Variants in CNTNAP5 observed in about 807,000 individuals in gnomAD.
CNTNAP5 encodes contactin-associated protein-like 5.
A neutral mutation model predicts 150.2 loss-of-function variants in CNTNAP5; 72 were observed. That is an observed-to-expected ratio of 0.48 (90% confidence interval 0.40 to 0.58). The LOEUF is 0.58. Among genes scored for constraint, CNTNAP5 ranks in the 20% least tolerant of loss-of-function variants. The pLI, the probability that CNTNAP5 is intolerant of heterozygous loss-of-function variation, is 0.00. For synonymous variants in CNTNAP5, 672 were observed against 619.8 expected, an observed-to-expected ratio of 1.08 and a Z score of -1.25; for missense variants, 1,636 against 1,626.2, an observed-to-expected ratio of 1.01 and a Z score of -0.10.
intron 11 of CNTNAP5, among the ~76,000 whole-genome samples, chr2:124,571,527 C>CTTTTTCTTTTTCTCTTTGTTTTCTTTTT: frequency 8.5e-4 from 40 of 46,820 alleles, no homozygotes; most frequent in African/African-American, 3.5e-3. Context: ...TTTCTTTTTT[C>CTTTTTCTTTTTCTCTTTGTTTTCTTTTT]TTTTTTTTTT....
intron 7 of CNTNAP5, among the ~76,000 whole-genome samples, chr2:124,480,280 G>A (rs574491584): frequency 6.6e-6 from 1 of 152,244 alleles, no homozygotes; most frequent in African/African-American, 2.4e-5. Flanking sequence ...TTTAAAATAA[G>A]GAACTTAAAA....
intron 3 of CNTNAP5, among the ~76,000 whole-genome samples, chr2:124,302,247 T>C (rs1413569689): frequency 6.6e-6 from 1 of 152,068 alleles, no homozygotes; most frequent in Non-Finnish European, 1.5e-5. Flanking sequence ...GACTATATAC[T>C]GTTAAGAATA....
intron 3 of CNTNAP5, among the ~76,000 whole-genome samples, chr2:124,396,537 A>G (rs1691249056): frequency 6.6e-6 from 1 of 152,216 alleles, no homozygotes; most frequent in Non-Finnish European, 1.5e-5. Flanking sequence ...AATGCAGGCT[A>G]CAACAAGCAT....
At chr2:124,561,812 C>A (rs1186802083) in intron 10 of CNTNAP5, among the ~76,000 whole-genome samples, 5 of 152,250 alleles carry the variant, frequency 3.3e-5, no homozygotes, top group African/African-American at 1.2e-4. Context: ...CAGAGTAAAT[C>A]ATCTTACTTT....
chr2:124,865,130 C>G (rs940415104), intron 19 of CNTNAP5, among the ~76,000 whole-genome samples, 176 bp from the exon 20 acceptor site: 2 of 152,082 alleles, frequency 1.3e-5, no homozygotes, highest in African/African-American at 2.4e-5. Context: ...TTTTGCAGCT[C>G]TCTTCAGAAT....
chr2:124,609,952 C>A (rs1390690413), intron 12 of CNTNAP5, 32 bp downstream of exon 12: 1 of 1,586,562 alleles, frequency 6.3e-7, no homozygotes, highest in African/African-American at 1.3e-5. Flanking sequence ...TCACACTTAA[C>A]CACCCCACTT....
At chr2:124,850,394 A>C (rs1306890147) in intron 19 of CNTNAP5, among the ~76,000 whole-genome samples, 2 of 152,206 alleles carry the variant, frequency 1.3e-5, no homozygotes, top group South Asian at 4.1e-4. Flanking sequence ...GGACACACAG[A>C]GGGAAGAGGG....
chr2:124,708,917 C>T (rs756636690), intron 13 of CNTNAP5, among the ~76,000 whole-genome samples: 2 of 152,074 alleles, frequency 1.3e-5, no homozygotes, highest in African/African-American at 2.4e-5. Flanking sequence ...GTTTTTTCTC[C>T]TCTGCAACCT....
At chr2:124,351,244 G>A (rs1293853050) in intron 3 of CNTNAP5, among the ~76,000 whole-genome samples, 1 of 152,186 alleles carries the variant, frequency 6.6e-6, no homozygotes, top group Non-Finnish European at 1.5e-5. Flanking sequence ...CCCTGAGAGT[G>A]ACCTGATTTC....
At position 124,755,238 on chromosome 2, in the gene CNTNAP5, CTATTACATCAGT is replaced by C. The variant is rs541685258; in HGVS notation, c.2234+7857_2234+7868del. ...GAAAACAAAACATACCCTGAGGTTT[CTATTACATCAGT>C]TATCTGTCAAGCCTTATAAATATAC... On this transcript the variant is annotated intron_variant, in intron 14 of 23. Transcript: ENST00000682447. Among the ~76,000 whole-genome samples, 24 of 152,096 alleles carry C rather than the reference CTATTACATCAGT, an allele frequency of 1.6e-4. No individual in the cohort carries two copies. The South Asian group carries it at 4.8e-3, about 30-fold the overall frequency.
chr2:124,787,955 G>A (rs983712972), intron 17 of CNTNAP5, among the ~76,000 whole-genome samples: 64 of 152,150 alleles, frequency 4.2e-4, no homozygotes, highest in African/African-American at 1.4e-3. Flanking sequence ...TACAGAAAAC[G>A]AATGACAAGT....
At chr2:124,671,745 T>G (rs35643233) in intron 13 of CNTNAP5, among the ~76,000 whole-genome samples, 45,788 of 152,126 alleles carry the variant, frequency 0.3, 7,301 homozygotes, top group Non-Finnish European at 0.34. Flanking sequence ...GTTCAAGTGA[T>G]TCTCTTGATT....
At chr2:124,298,870 C>G (rs1258575981) in intron 3 of CNTNAP5, among the ~76,000 whole-genome samples, 2 of 152,110 alleles carry the variant, frequency 1.3e-5, no homozygotes, top group Admixed American at 1.3e-4. Flanking sequence ...TTTAACTTAA[C>G]CACTTAGTGC....
intron 13 of CNTNAP5, among the ~76,000 whole-genome samples, chr2:124,691,358 G>T (rs1273741233): frequency 6.6e-6 from 1 of 151,970 alleles, no homozygotes. Context: ...TTTATGGCTG[G>T]CTTTGGAGAA....
At chr2:124,307,766 C>A (rs1688727876) in intron 3 of CNTNAP5, among the ~76,000 whole-genome samples, 1 of 152,156 alleles carries the variant, frequency 6.6e-6, no homozygotes, top group South Asian at 2.1e-4. Flanking sequence ...GGTGGGGAAG[C>A]AAGTGATGAT....
At chr2:124,212,799 T>C (rs541852401) in intron 1 of CNTNAP5, among the ~76,000 whole-genome samples, 3 of 150,818 alleles carry the variant, frequency 2.0e-5, no homozygotes, top group South Asian at 4.2e-4. Flanking sequence ...TAACTTAGGC[T>C]TGGCTGGGAC....
At chr2:124,676,707 C>T (rs575864852) in intron 13 of CNTNAP5, among the ~76,000 whole-genome samples, 93 of 152,262 alleles carry the variant, frequency 6.1e-4, no homozygotes, top group African/African-American at 2.0e-3. Context: ...TGTTGGTTTT[C>T]GAGGCTGCCA....
At chr2:124,664,179 A>G (rs12470814) in intron 13 of CNTNAP5, among the ~76,000 whole-genome samples, 84,425 of 151,838 alleles carry the variant, frequency 0.56, 24,047 homozygotes, top group Non-Finnish European at 0.62. Flanking sequence ...AAAAGGTGAC[A>G]GGGCTTGGTG....
chr2:124,325,609 G>T (rs544531001), intron 3 of CNTNAP5, among the ~76,000 whole-genome samples: 2 of 152,146 alleles, frequency 1.3e-5, no homozygotes, highest in African/African-American at 2.4e-5. Flanking sequence ...TTGGCTGTGA[G>T]CTCCAACTCT....
Sources: allele counts gnomAD v4.1 joint callset (sites outside exome capture counted in the v4.1 genomes callset), GRCh38; gene constraint gnomAD v4.1.1; transcripts MANE v1.5; gene names NCBI Gene and HGNC (gene_info 2026-07-23, HGNC 2026-07-21).